ANKRD17: variants seen among roughly 807,000 people sequenced by gnomAD.
ANKRD17 encodes ankyrin repeat domain-containing protein 17.
ANKRD17 carries 19 observed loss-of-function variants against 229.7 expected under a neutral mutation model. The ratio of observed to expected loss-of-function variants is 0.08; its 90% CI spans 0.06 to 0.12. The LOEUF is 0.12. Among genes scored for constraint, ANKRD17 ranks in the 10% least tolerant of loss-of-function variants. The pLI is 1.00. For missense variants in ANKRD17, 2,176 were observed against 3,176.8 expected (o/e 0.68, Z 7.57); for synonymous variants, 1,112 against 1,146.1 (o/e 0.97, Z 0.60).
At chr4:73,202,682 G>C (rs74880295) in intron 1 of ANKRD17, among the ~76,000 whole-genome samples, 2,902 of 152,224 alleles carry the variant, frequency 0.019, 93 homozygotes, top group African/African-American at 0.066. Context: ...GGATAAAGCT[G>C]ATTTTCAAGT....
At chr4:73,153,267 A>G (rs1331573343) in intron 6 of ANKRD17, among the ~76,000 whole-genome samples, 1 of 151,814 alleles carries the variant, frequency 6.6e-6, no homozygotes, top group Non-Finnish European at 1.5e-5. Context: ...CATAAAACAC[A>G]GAAATGAGTG....
chr4:73,235,866 C>CT lies in ANKRD17; in HGVS notation c.393+22409dup, dbSNP rs529645343. Among the ~76,000 whole-genome samples the CT allele has an allele frequency of 2.5e-3, 355 of 144,232 alleles. 1 individual carries two copies. Among genetic ancestry groups the CT allele is most frequent in the African/African-American group, 6.2e-3 (247 of 39,566 alleles). 94.6% of individuals were successfully genotyped at this position (144,232 alleles called of 152,430 possible). On this transcript the variant is annotated intron_variant, in intron 1 of 33. Transcript: ENST00000358602. ...GGTTCGTAATGATTTAAAATTTTTT[C>CT]TTTTTTTTTTTGGTTTTAATAGAGA...
intron 15 of ANKRD17, among the ~76,000 whole-genome samples, chr4:73,138,646 G>A (rs1729214430): frequency 6.6e-6 from 1 of 151,978 alleles, no homozygotes; most frequent in South Asian, 2.1e-4. Flanking sequence ...AAATTCCACT[G>A]TTTATTCCTT....
At chr4:73,082,745 A>G (rs1426218143) in intron 30 of ANKRD17, among the ~76,000 whole-genome samples, 1 of 152,218 alleles carries the variant, frequency 6.6e-6, no homozygotes, top group African/African-American at 2.4e-5. Flanking sequence ...AAAGTTAAAG[A>G]AAGACTCAGA....
intron 24 of ANKRD17, among the ~76,000 whole-genome samples, chr4:73,111,138 G>A (rs1280769479): frequency 6.6e-6 from 1 of 152,134 alleles, no homozygotes; most frequent in East Asian, 1.9e-4. Context: ...ACCTTGGATA[G>A]TACTGGACCC....
At chr4:73,111,621 T>C (rs1429875053) in intron 24 of ANKRD17, among the ~76,000 whole-genome samples, 1 of 152,214 alleles carries the variant, frequency 6.6e-6, no homozygotes, top group African/African-American at 2.4e-5. Context: ...AAAATATGTA[T>C]AAGGGTGTTT....
chr4:73,229,503 C>CA (rs1273433713), intron 1 of ANKRD17, among the ~76,000 whole-genome samples: 1 of 151,572 alleles, frequency 6.6e-6, no homozygotes, highest in Non-Finnish European at 1.5e-5. Flanking sequence ...AATCACAAAT[C>CA]AAAGTTACAC....
At chr4:73,148,446 T>C (rs552163794) in intron 8 of ANKRD17, among the ~76,000 whole-genome samples, 5 of 152,326 alleles carry the variant, frequency 3.3e-5, no homozygotes, top group East Asian at 1.9e-4. Context: ...TTTTAAAACA[T>C]TAGATCTATT....
intron 10 of ANKRD17, among the ~76,000 whole-genome samples, chr4:73,146,421 C>G (rs1209103682): frequency 3.9e-5 from 6 of 151,980 alleles, no homozygotes; most frequent in Non-Finnish European, 7.4e-5. Context: ...CTAAGCAATA[C>G]TGAAATTCCT....
chr4:73,130,557 G>A (rs1384388248), intron 16 of ANKRD17, among the ~76,000 whole-genome samples: 1 of 150,726 alleles, frequency 6.6e-6, no homozygotes, highest in Non-Finnish European at 1.5e-5. Context: ...TTAAAATAAT[G>A]AATATATGTT....
At chr4:73,244,621 C>T (rs1361954970) in intron 1 of ANKRD17, among the ~76,000 whole-genome samples, 4 of 152,122 alleles carry the variant, frequency 2.6e-5, no homozygotes, top group Non-Finnish European at 4.4e-5. Flanking sequence ...TGAAGGTCTA[C>T]CTCTGGAGTA....
chr4:73,183,256 A>G (rs926543358), intron 1 of ANKRD17, among the ~76,000 whole-genome samples: 6 of 152,184 alleles, frequency 3.9e-5, no homozygotes, highest in Non-Finnish European at 5.9e-5. Flanking sequence ...AGAAATCTGA[A>G]TGTGAACTGG....
chr4:73,213,599 A>T (rs1293555573), intron 1 of ANKRD17, among the ~76,000 whole-genome samples: 1 of 152,226 alleles, frequency 6.6e-6, no homozygotes, highest in African/African-American at 2.4e-5. Context: ...AGAGATGTAC[A>T]GATGTTACTG....
chr4:73,225,438 T>G (rs192332458), intron 1 of ANKRD17, among the ~76,000 whole-genome samples: 8 of 152,362 alleles, frequency 5.3e-5, no homozygotes, highest in Middle Eastern at 6.8e-3. Flanking sequence ...TTCTGTTTTC[T>G]GACATTTACT....
intron 24 of ANKRD17, among the ~76,000 whole-genome samples, chr4:73,103,665 A>T (rs1391688338): frequency 6.6e-6 from 1 of 152,220 alleles, no homozygotes; most frequent in Non-Finnish European, 1.5e-5. Flanking sequence ...GTGTCAAAAC[A>T]ATGTCAGTTA....
intron 1 of ANKRD17, among the ~76,000 whole-genome samples, chr4:73,192,861 C>A (rs1447019318): frequency 6.6e-6 from 1 of 152,140 alleles, no homozygotes; most frequent in Non-Finnish European, 1.5e-5. Flanking sequence ...CTCGTTTTCT[C>A]AAGATAAGTA....
chr4:73,116,033 A>G (rs780667524), intron 22 of ANKRD17, 117 bp from the exon 23 acceptor site: 1 of 766,346 alleles, frequency 1.3e-6, no homozygotes, highest in Non-Finnish European at 2.2e-6. Flanking sequence ...TAAATTGCAT[A>G]TTTACACTAT....
chr4:73,110,770 T>C (rs1014793679), intron 24 of ANKRD17, among the ~76,000 whole-genome samples: 1 of 152,222 alleles, frequency 6.6e-6, no homozygotes, highest in Non-Finnish European at 1.5e-5. Context: ...AAATTTTACA[T>C]ATGTTCCACG....
intron 1 of ANKRD17, among the ~76,000 whole-genome samples, chr4:73,205,656 G>T (rs1428435370): frequency 1.3e-5 from 2 of 152,090 alleles, no homozygotes; most frequent in African/African-American, 4.8e-5. Context: ...AAATACAGGG[G>T]AAAAGCTCCA....
Sources: allele counts gnomAD v4.1 joint callset (sites outside exome capture counted in the v4.1 genomes callset), GRCh38; gene constraint gnomAD v4.1.1; transcripts MANE v1.5; gene names NCBI Gene and HGNC (gene_info 2026-07-23, HGNC 2026-07-21).